The following SLC37A2 variants were observed in gnomAD, a reference collection of about 807,000 sequenced individuals.
The protein encoded by SLC37A2 is glucose-6-phosphate exchanger SLC37A2.
In SLC37A2, 59 loss-of-function variants were observed where a neutral mutation model predicts 70.7. That is an observed-to-expected ratio of 0.83 (90% CI 0.68 to 1.04). The LOEUF is 1.04. SLC37A2 is among the 50% of genes least tolerant of loss of function. SLC37A2 has a pLI of 0.00. For synonymous variants in SLC37A2, 257 were observed against 262.1 expected (o/e 0.98, Z 0.19); for missense variants, 580 against 658.1 (o/e 0.88, Z 1.30).
chr11:125,079,681 C>A lies in SLC37A2; in HGVS notation c.451-3C>A. On this transcript the variant is annotated splice_region_variant and splice_polypyrimidine_tract_variant and intron_variant, in intron 5 of 17. Coordinates refer to ENST00000403796, the MANE Select transcript of SLC37A2 (RefSeq NM_001145290.2). ...TCCCACCCTCCCTTCTCTCTCCCTG[C>A]AGGTCTGTAATGGACTCGTCCAGAC... The A allele has an allele frequency of 1.3e-6, 2 of 1,596,544 alleles. No homozygotes were observed. The highest frequency in any genetic ancestry group is 1.7e-5 in the Admixed American group (1 of 57,300).
At position 125,079,199 on chromosome 11, in the gene SLC37A2, G is replaced by A; in HGVS notation, c.402G>A (p.Leu134=). ...GCCTTTTCACCTCGCTCTTTGGCCTGGGATATTTCTGGAACATCCACGAGC... is the reference window on the plus strand; with the variant it reads ...GCCTTTTCACCTCGCTCTTTGGCCTAGGATATTTCTGGAACATCCACGAGC... ...LSGLFTSLFG[L]GYFWNIHELW... is the part of the protein sequence containing the mutation. The change falls in exon 5 of 18, where the codon CTG becomes CTA. Residue 134 remains leucine, a synonymous_variant. Transcript: ENST00000403796. The A allele has an allele frequency of 1.2e-6, 2 of 1,614,168 alleles. No homozygotes were observed. The highest frequency in any genetic ancestry group is 1.7e-6 in the Non-Finnish European group (2 of 1,180,018).
At chr11:125,065,645 C>A (rs1018612753) in intron 1 of SLC37A2, among the ~76,000 whole-genome samples, 1 of 152,162 alleles carries the variant, frequency 6.6e-6, no homozygotes, top group Non-Finnish European at 1.5e-5. Context: ...GAGTGAACCT[C>A]AGTTTTTAGA....
At chr11:125,086,065 G>A (rs1325791524) in intron 17 of SLC37A2, 47 bp downstream of exon 17, 23 of 1,590,296 alleles carry the variant, frequency 1.4e-5, no homozygotes, top group Middle Eastern at 1.7e-4. Flanking sequence ...CTCATTTCTC[G>A]TGGGAATCAG....
At chr11:125,066,782 TATA>T (rs1263985218) in intron 1 of SLC37A2, among the ~76,000 whole-genome samples, 1 of 152,096 alleles carries the variant, frequency 6.6e-6, no homozygotes, top group African/African-American at 2.4e-5. Context: ...AATTCTGGGA[TATA>T]ATTTACATAA....
chr11:125,086,506 AGAG>A, intron 17 of SLC37A2: 1 of 510,324 alleles, frequency 2.0e-6, no homozygotes, highest in East Asian at 3.6e-5. Context: ...CCTCGGGGAC[AGAG>A]GAGGCAGAAA....
chr11:125,085,527 TG>T (rs1591635216), intron 15 of SLC37A2, 49 bp from the exon 16 acceptor site: 1 of 1,611,972 alleles, frequency 6.2e-7, no homozygotes, highest in African/African-American at 1.3e-5. Flanking sequence ...TGCCCTCCGG[TG>T]GGCAGGGGAG....
At chr11:125,076,877 A>G (rs773097103) in intron 2 of SLC37A2, 39 bp downstream of exon 2, 10 of 1,600,712 alleles carry the variant, frequency 6.2e-6, no homozygotes, top group South Asian at 4.4e-5. Context: ...GCAGAAGCAC[A>G]CTGTCGTAAC....
chr11:125,079,328 A>G (rs1591631996), intron 5 of SLC37A2, 81 bp downstream of exon 5: 2 of 1,578,854 alleles, frequency 1.3e-6, no homozygotes, highest in Admixed American at 3.4e-5. Context: ...AGCGGGTGGG[A>G]GCCTGTGTTC....
intron 12 of SLC37A2, 87 bp downstream of exon 12, chr11:125,084,406 C>T (rs1949181949): frequency 1.5e-6 from 2 of 1,320,026 alleles, no homozygotes; most frequent in East Asian, 2.3e-5. Flanking sequence ...CCACGCGTTA[C>T]ACACATTGAT....
chr11:125,079,005 G>A, intron 4 of SLC37A2, 107 bp from the exon 5 acceptor site: 1 of 1,432,596 alleles, frequency 7.0e-7, no homozygotes, highest in Non-Finnish European at 9.7e-7. Context: ...GTCATTGGTG[G>A]GACCTTGGCC....
At chr11:125,086,493 T>G in intron 17 of SLC37A2, 1 of 538,946 alleles carries the variant, frequency 1.9e-6, no homozygotes, top group Non-Finnish European at 3.4e-6. Context: ...ACTTTGGACA[T>G]GCCCTCGGGG....
chr11:125,081,275 GAC>G (rs1949143887), intron 7 of SLC37A2, 144 bp from the exon 8 acceptor site: 1 of 759,432 alleles, frequency 1.3e-6, no homozygotes, highest in African/African-American at 1.8e-5. Context: ...CTCCTGCTGG[GAC>G]ACACACTGGC....
chr11:125,080,584 T>C lies in SLC37A2; in HGVS notation c.528-30T>C, dbSNP rs767430573. 2 of 1,442,464 alleles carry C rather than the reference T, an allele frequency of 1.4e-6. No homozygotes were observed. Among genetic ancestry groups the C allele is most frequent in the Non-Finnish European group, 1.8e-6 (2 of 1,088,594 alleles). The allele number at this position is 1,442,464 out of a possible 1,614,324, so 89.4% of individuals were successfully genotyped here. A position where few individuals can be genotyped will look rare whatever the true frequency, so the allele number is the denominator to read the frequency against. ...AATGTGCTTTGCTTTTTACTTTTTATACCTCTTCCCTTCTCTCCCTCCCTT... is the reference window on the plus strand; with the variant it reads ...AATGTGCTTTGCTTTTTACTTTTTACACCTCTTCCCTTCTCTCCCTCCCTT... On this transcript the variant is annotated intron_variant, in intron 6 of 17. Coordinates refer to ENST00000403796, the MANE Select transcript of SLC37A2 (RefSeq NM_001145290.2). The surrounding 1 kb of genome is among the most constrained non-coding windows in gnomAD (Gnocchi z 4.3).
At chr11:125,086,580 A>C in intron 17 of SLC37A2, 1 of 369,554 alleles carries the variant, frequency 2.7e-6, no homozygotes, top group South Asian at 2.6e-5. Flanking sequence ...GAAGTTCAGA[A>C]ACCAAGGTCA....
intron 4 of SLC37A2, among the ~76,000 whole-genome samples, chr11:125,077,866 A>G (rs1420436315): frequency 6.6e-6 from 1 of 152,166 alleles, no homozygotes; most frequent in Non-Finnish European, 1.5e-5. Flanking sequence ...GCTGTGTCCA[A>G]ACCAGCACGG....
chr11:125,084,428 C>T (rs1045366493), intron 12 of SLC37A2, 109 bp downstream of exon 12: 27 of 1,125,460 alleles, frequency 2.4e-5, no homozygotes, highest in Non-Finnish European at 3.0e-5. Context: ...TCGCTGTGTA[C>T]GCGTGCACAT....
rs1185689477 is a variant in SLC37A2, at chr11:125,085,678, A to G, written c.1425+4A>G. The G allele has an allele frequency of 1.2e-6, 2 of 1,611,732 alleles. No individual in the cohort carries two copies. The highest frequency in any genetic ancestry group is 8.5e-7 in the Non-Finnish European group (1 of 1,179,860). ...TGCCGACGTCCTAGCCTGCTTGGTA[A>G]GAGTCTTGGGGTACACAGATAGGTA... is the stretch of plus-strand genomic sequence containing the variant. On this transcript the variant is annotated splice_donor_region_variant and intron_variant, in intron 16 of 17. Coordinates refer to ENST00000403796, the MANE Select transcript of SLC37A2 (RefSeq NM_001145290.2).
Position 125,063,554 on chromosome 11 carries a change from G to A in SLC37A2, c.59+128G>A. 1.2e-6 allele frequency: 1 copy of A among 839,438 alleles called. No homozygotes were observed. The highest frequency in any genetic ancestry group is 1.8e-6 in the Non-Finnish European group (1 of 559,788). 52.0% of individuals were successfully genotyped at this position (839,438 alleles called of 1,614,324 possible). A position where few individuals can be genotyped will look rare whatever the true frequency, so the allele number is the denominator to read the frequency against. Reference sequence around the variant, plus strand: ...GCCGCGTGGCCAGGGGTGCTGGGGGGACTTGGTCCCGAGCTCCTCCAGCGG... The same window carrying A: ...GCCGCGTGGCCAGGGGTGCTGGGGGAACTTGGTCCCGAGCTCCTCCAGCGG... On this transcript the variant is annotated intron_variant, in intron 1 of 17. Coordinates refer to ENST00000403796, the MANE Select transcript of SLC37A2 (RefSeq NM_001145290.2). The surrounding 1 kb of genome is among the most constrained non-coding windows in gnomAD (Gnocchi z 5.4).
Position 125,077,493 on chromosome 11 carries a change from C to A in SLC37A2, c.279C>A (p.Ala93=). The A allele has an allele frequency of 6.2e-7, 1 of 1,613,960 alleles. No homozygotes were observed. Among genetic ancestry groups the A allele is most frequent in the Non-Finnish European group, 8.5e-7 (1 of 1,179,900 alleles). Residue 93 remains alanine (A), a synonymous_variant, in exon 4 of 18, where the codon GCC becomes GCA. Coordinates refer to ENST00000403796, the MANE Select transcript of SLC37A2 (RefSeq NM_001145290.2). Reference sequence around the variant, plus strand: ...AGTTACTAGGGGGCGTGGACAACGCCTTCCTCATCGCCTATGCCATCGGCA... The same window carrying A: ...AGTTACTAGGGGGCGTGGACAACGCATTCCTCATCGCCTATGCCATCGGCA... ...YKELLGGVDN[A]FLIAYAIGMF...
Sources: allele counts gnomAD v4.1 joint callset (sites outside exome capture counted in the v4.1 genomes callset), GRCh38; gene constraint gnomAD v4.1.1; non-coding constraint Gnocchi (gnomAD v3.1); transcripts MANE v1.5; gene names NCBI Gene and HGNC (gene_info 2026-07-23, HGNC 2026-07-21).